CPNE4: variants seen among roughly 807,000 people sequenced by gnomAD.
The protein encoded by CPNE4 is copine 4.
In CPNE4, 25 loss-of-function variants were observed where a neutral mutation model predicts 67.9. That is an observed-to-expected ratio of 0.37 (90% CI 0.27 to 0.51). CPNE4 has a LOEUF of 0.51. CPNE4 is among the 20% of genes least tolerant of loss of function. The pLI is 0.93. For synonymous variants in CPNE4, 242 were observed against 244.9 expected (o/e 0.99, Z 0.11); for missense variants, 464 against 690.8 (o/e 0.67, Z 3.68).
rs1583425613 is a variant in CPNE4, at chr3:131,900,829, C to G, written c.180+4435G>C. On this transcript the variant is annotated intron_variant, in intron 2 of 15. Coordinates refer to ENST00000429747, the MANE Select transcript of CPNE4 (RefSeq NM_130808.3). Reference sequence around the variant, plus strand: ...TTACATATAACCGCACAAATCGTCACTAACAATAATTACCAACAACTCACC... The same window carrying G: ...TTACATATAACCGCACAAATCGTCAGTAACAATAATTACCAACAACTCACC... 3.9e-5 allele frequency among the ~76,000 whole-genome samples: 6 copies of G among 152,094 alleles called. No homozygotes were observed. In the South Asian group the frequency reaches 1.2e-3, roughly 32 times the overall value.
At chr3:131,672,982 T>C (rs1443753261) in intron 6 of CPNE4, among the ~76,000 whole-genome samples, 1 of 152,162 alleles carries the variant, frequency 6.6e-6, no homozygotes, top group Non-Finnish European at 1.5e-5. Flanking sequence ...GTCTTAAATT[T>C]ATGTCTTTAA....
At chr3:131,821,758 T>C (rs1320613145) in intron 2 of CPNE4, among the ~76,000 whole-genome samples, 2 of 152,232 alleles carry the variant, frequency 1.3e-5, no homozygotes, top group African/African-American at 4.8e-5. Context: ...CATTTATTCT[T>C]ATGCCCACAA....
intron 2 of CPNE4, among the ~76,000 whole-genome samples, chr3:131,841,263 T>C (rs74881592): frequency 0.022 from 3,325 of 152,292 alleles, 116 homozygotes; most frequent in African/African-American, 0.074. Context: ...ATGAGGCAAA[T>C]AGATTTCTAA....
chr3:131,906,308 T>C (rs1197955312), intron 1 of CPNE4, among the ~76,000 whole-genome samples: 3 of 151,980 alleles, frequency 2.0e-5, no homozygotes, highest in Non-Finnish European at 2.9e-5. Context: ...AATGTGCAGG[T>C]TAGTTACATA....
At chr3:131,942,910 C>T (rs73208103) in intron 1 of CPNE4, among the ~76,000 whole-genome samples, 9,874 of 152,132 alleles carry the variant, frequency 0.065, 405 homozygotes, top group Non-Finnish European at 0.092. Flanking sequence ...AGCTGAATTC[C>T]CATCCAGTTC....
intron 11 of CPNE4, among the ~76,000 whole-genome samples, chr3:131,563,386 A>G (rs1171751872): frequency 6.6e-6 from 1 of 152,082 alleles, no homozygotes. Flanking sequence ...TTCCTTATGC[A>G]TGCACCTAAA....
chr3:131,588,000 G>T (rs1055653183), intron 7 of CPNE4, among the ~76,000 whole-genome samples: 7 of 152,300 alleles, frequency 4.6e-5, no homozygotes, highest in Middle Eastern at 6.8e-3. Context: ...CATCTATATA[G>T]CTTTCACAAT....
At chr3:131,704,954 C>G (rs1033389626) in intron 3 of CPNE4, among the ~76,000 whole-genome samples, 4 of 151,880 alleles carry the variant, frequency 2.6e-5, no homozygotes, top group Non-Finnish European at 5.9e-5. Context: ...AGGGTAGGGC[C>G]CCAATCTGAT....
chr3:131,572,410 G>A (rs1051532593), intron 10 of CPNE4, among the ~76,000 whole-genome samples: 1 of 152,040 alleles, frequency 6.6e-6, no homozygotes, highest in Admixed American at 6.6e-5. Flanking sequence ...CAGGAAGAAG[G>A]TCGCTGCCCA....
chr3:131,937,653 T>C (rs994630972), intron 1 of CPNE4, among the ~76,000 whole-genome samples: 6 of 152,110 alleles, frequency 3.9e-5, no homozygotes, highest in Non-Finnish European at 7.4e-5. Flanking sequence ...CTAATGCTGA[T>C]ATGTTAATAT....
intron 2 of CPNE4, among the ~76,000 whole-genome samples, chr3:131,887,015 T>C (rs2087919500): frequency 6.6e-6 from 1 of 152,180 alleles, no homozygotes; most frequent in South Asian, 2.1e-4. Flanking sequence ...GGTTTTGAAA[T>C]GTGAGGACAT....
chr3:131,806,508 CCA>C (rs1378988294), intron 2 of CPNE4, among the ~76,000 whole-genome samples: 1 of 148,638 alleles, frequency 6.7e-6, no homozygotes, highest in Non-Finnish European at 1.5e-5. Context: ...CGAGATTGTG[CCA>C]CTGCACTCCA....
At chr3:131,564,179 G>C (rs1559904267) in intron 11 of CPNE4, 37 bp downstream of exon 11, 1 of 1,611,744 alleles carries the variant, frequency 6.2e-7, no homozygotes, top group Non-Finnish European at 8.5e-7. Context: ...ACCCACATGA[G>C]AGATGATAAG....
At chr3:131,714,859 C>T (rs1259204058) in intron 3 of CPNE4, among the ~76,000 whole-genome samples, 1 of 152,114 alleles carries the variant, frequency 6.6e-6, no homozygotes, top group African/African-American at 2.4e-5. Flanking sequence ...TCAGAGGACT[C>T]CTGACAGCCC....
chr3:131,708,337 G>A (rs2081465207), intron 3 of CPNE4, among the ~76,000 whole-genome samples: 1 of 152,104 alleles, frequency 6.6e-6, no homozygotes, highest in Non-Finnish European at 1.5e-5. Flanking sequence ...GAGATGAAGA[G>A]CTTTGTTTTG....
At chr3:131,930,275 A>G (rs2071020176) in intron 1 of CPNE4, among the ~76,000 whole-genome samples, 1 of 152,210 alleles carries the variant, frequency 6.6e-6, no homozygotes, top group South Asian at 2.1e-4. Context: ...CCATATGTAC[A>G]AAGGGAAAAT....
intron 2 of CPNE4, among the ~76,000 whole-genome samples, chr3:131,782,004 G>A (rs531805971): frequency 6.6e-6 from 1 of 152,078 alleles, no homozygotes; most frequent in Non-Finnish European, 1.5e-5. Flanking sequence ...GTGAGTGAAT[G>A]AATGAATGAG....
At chr3:131,567,500 A>G (rs1049880544) in intron 10 of CPNE4, among the ~76,000 whole-genome samples, 1 of 151,986 alleles carries the variant, frequency 6.6e-6, no homozygotes, top group African/African-American at 2.4e-5. Flanking sequence ...CTCTCAGCAG[A>G]CCCTATACTT....
intron 1 of CPNE4, among the ~76,000 whole-genome samples, chr3:131,962,301 C>T (rs1313688234): frequency 6.6e-6 from 1 of 152,182 alleles, no homozygotes; most frequent in Non-Finnish European, 1.5e-5. Flanking sequence ...TTTCTTTTGC[C>T]TTGGAATTGG....
Sources: gnomAD v4.1 joint callset for allele counts (sites outside exome capture counted in the v4.1 genomes callset) on GRCh38, gnomAD v4.1.1 for gene constraint, MANE v1.5 for transcripts, NCBI Gene and HGNC (gene_info 2026-07-23, HGNC 2026-07-21) for gene names.